The following NTSR1 variants were observed in gnomAD, a reference collection of about 807,000 sequenced individuals.
The protein encoded by NTSR1 is neurotensin receptor 1, also known as neurotensin receptor type 1.
NTSR1 carries 29 observed loss-of-function variants against 31.2 expected under a neutral mutation model. That is an observed-to-expected ratio of 0.93 (90% confidence interval 0.69 to 1.27). The LOEUF is 1.27. Ranked by LOEUF, NTSR1 falls within the 50% of genes most tolerant of loss-of-function variation. NTSR1 has a pLI of 0.00. For missense variants in NTSR1, 697 were observed against 595.4 expected (o/e 1.17, Z -1.78); for synonymous variants, 282 against 269.9 (o/e 1.04, Z -0.44).
intron 1 of NTSR1, among the ~76,000 whole-genome samples, chr20:62,752,289 G>A (rs946236663): frequency 6.6e-6 from 1 of 152,218 alleles, no homozygotes; most frequent in African/African-American, 2.4e-5. Context: ...TGGAGGTGGG[G>A]GGCAGCTCCT....
chr20:62,754,883 CTACG>C lies in NTSR1; in HGVS notation c.916+4_916+7del, dbSNP rs767282996. On this transcript the variant is annotated splice_donor_variant and coding_sequence_variant, in exon 2 of 4. Coordinates refer to ENST00000370501, the MANE Select transcript of NTSR1 (RefSeq NM_002531.3). LOFTEE classifies it high-confidence loss of function. ...GGCCCTGCGGCACGGCGTGCGCGTC[CTACG>C]TACGTAACCTCTGGGCCCTCCAGGG... 1.3e-6 allele frequency: 2 copies of C among 1,595,932 alleles called. No individual in the cohort carries two copies. Among genetic ancestry groups the C allele is most frequent in the Non-Finnish European group, 1.7e-6 (2 of 1,175,860 alleles).
rs754497328 is a variant in NTSR1, at chr20:62,709,928, C to G, written c.714+7C>G. The G allele has an allele frequency of 7.0e-6, 11 of 1,574,970 alleles. No homozygotes were observed. In the South Asian group the frequency reaches 1.3e-4, roughly 18 times the overall value. On this transcript the variant is annotated splice_region_variant and intron_variant, in intron 1 of 3. Transcript: ENST00000370501. ...CGTCAAGGTCGTCATACAGGTGAGC[C>G]TCAGTAACCAGCCCCGGGGCTCCCC...
chr20:62,755,087 T>C (rs1033032990), intron 2 of NTSR1, among the ~76,000 whole-genome samples: 12 of 148,388 alleles, frequency 8.1e-5, no homozygotes, highest in African/African-American at 1.3e-4. Flanking sequence ...CATCTATCCT[T>C]CCCTCCCTCC....
intron 1 of NTSR1, among the ~76,000 whole-genome samples, chr20:62,748,776 A>G (rs1361032395): frequency 6.6e-6 from 1 of 152,168 alleles, no homozygotes; most frequent in Non-Finnish European, 1.5e-5. Context: ...GGATTAATCC[A>G]TTCATAAATA....
At chr20:62,752,259 C>T (rs1027280109) in intron 1 of NTSR1, among the ~76,000 whole-genome samples, 4 of 152,250 alleles carry the variant, frequency 2.6e-5, no homozygotes, top group Non-Finnish European at 5.9e-5. Context: ...TGCCGATGGA[C>T]GTGCTCCCTT....
In NTSR1 at chr20:62,742,741, G is replaced by A. The variant is rs188516879; in HGVS notation, c.715-11944G>A. Reference sequence around the variant, plus strand: ...CTGGATGACCTCACTCCTGGAAAGCGCTGGGCTGTGTCACCTTAAAGACCC... The same window carrying A: ...CTGGATGACCTCACTCCTGGAAAGCACTGGGCTGTGTCACCTTAAAGACCC... On this transcript the variant is annotated intron_variant, in intron 1 of 3. Coordinates refer to ENST00000370501, the MANE Select transcript of NTSR1 (RefSeq NM_002531.3). This position sits in a 1 kb window ranked among gnomAD's most constrained non-coding sequence, Gnocchi z 7.1. Among the ~76,000 whole-genome samples the A allele has an allele frequency of 3.5e-4, 53 of 149,378 alleles. 2 individuals carry two copies. The highest frequency in any genetic ancestry group is 1.2e-3 in the African/African-American group (50 of 40,016).
At chr20:62,750,814 C>T (rs1989381902) in intron 1 of NTSR1, among the ~76,000 whole-genome samples, 1 of 152,026 alleles carries the variant, frequency 6.6e-6, no homozygotes, top group Admixed American at 6.6e-5. Context: ...TTCATTAGCT[C>T]GATGGCGGTG....
intron 1 of NTSR1, among the ~76,000 whole-genome samples, chr20:62,727,542 C>A (rs1036899977): frequency 6.6e-6 from 1 of 152,216 alleles, no homozygotes; most frequent in Non-Finnish European, 1.5e-5. Flanking sequence ...AAGGAGAGTC[C>A]GCTGTGGTAC....
chr20:62,722,845 G>A (rs745642503), intron 1 of NTSR1, among the ~76,000 whole-genome samples: 3 of 152,188 alleles, frequency 2.0e-5, no homozygotes, highest in Non-Finnish European at 2.9e-5. Flanking sequence ...AAAGTCATCC[G>A]TAGATTTTAA....
At chr20:62,751,963 T>A (rs1187003228) in intron 1 of NTSR1, among the ~76,000 whole-genome samples, 1 of 152,196 alleles carries the variant, frequency 6.6e-6, no homozygotes, top group Non-Finnish European at 1.5e-5. Flanking sequence ...TCACTCTCAG[T>A]GACACTCAGG....
At position 62,746,513 on chromosome 20, in the gene NTSR1, A is replaced by G. The variant is rs573007690; in HGVS notation, c.715-8172A>G. Among the ~76,000 whole-genome samples, 21 of 152,296 alleles carry G rather than the reference A, an allele frequency of 1.4e-4. No homozygotes were observed. The South Asian group carries it at 4.3e-3, about 32-fold the overall frequency. On this transcript the variant is annotated intron_variant, in intron 1 of 3. Coordinates refer to ENST00000370501, the MANE Select transcript of NTSR1 (RefSeq NM_002531.3). The stretch of plus-strand genomic sequence containing the variant: ...TGATGTTTGTGGGAGGGAGGAAGGG[A>G]GAAAGGTGGAGGGAAGCTAGACTAA...
rs372116403 is a variant in NTSR1, at chr20:62,758,316, C to T, written c.967C>T (p.Arg323Cys). Residue 323 changes from arginine to cysteine, a missense_variant, in exon 3 of 4, where the codon CGC becomes TGC. Arg to Cys is a radical substitution (Grantham distance 180, BLOSUM62 -3). Coordinates refer to ENST00000370501, the MANE Select transcript of NTSR1 (RefSeq NM_002531.3). This position sits in a 1 kb window ranked among gnomAD's most constrained non-coding sequence, Gnocchi z 4.5. ...VVCWLPYHVR[R>C]LMFCYISDEQ... Reference sequence around the variant, plus strand: ...CTGCTGGCTGCCCTACCACGTGCGGCGCCTCATGTTCTGCTACATCTCGGA... The same window carrying T: ...CTGCTGGCTGCCCTACCACGTGCGGTGCCTCATGTTCTGCTACATCTCGGA... The T allele has an allele frequency of 2.9e-5, 47 of 1,613,614 alleles. No homozygotes were observed. The highest frequency in any genetic ancestry group is 9.9e-5 in the South Asian group (9 of 91,086).
chr20:62,710,871 T>C (rs1318936052), intron 1 of NTSR1, among the ~76,000 whole-genome samples: 2 of 152,134 alleles, frequency 1.3e-5, no homozygotes, highest in Non-Finnish European at 2.9e-5. Flanking sequence ...GTTTCCTCCA[T>C]TTCTGGTGGG....
rs1051120674 is a variant in NTSR1, at chr20:62,744,197, C to T, written c.715-10488C>T. 5.3e-5 allele frequency among the ~76,000 whole-genome samples: 8 copies of T among 152,170 alleles called. No homozygotes were observed. Among genetic ancestry groups the T allele is most frequent in the African/African-American group, 1.7e-4 (7 of 41,440 alleles). On this transcript the variant is annotated intron_variant, in intron 1 of 3. Transcript: ENST00000370501. This position sits in a 1 kb window ranked among gnomAD's most constrained non-coding sequence, Gnocchi z 4.1. ...CCCCCAATTTGCTTCCTTTCCCACA[C>T]CCAAGGGAGCACAGTCAGTGCTCCA...
At chr20:62,717,933 G>A (rs1453072245) in intron 1 of NTSR1, among the ~76,000 whole-genome samples, 1 of 151,824 alleles carries the variant, frequency 6.6e-6, no homozygotes. Context: ...AAAACCACAC[G>A]GGGGGAGCGT....
chr20:62,760,390 C>A lies in NTSR1; in HGVS notation c.*123C>A. ...GGCAGAGGCCAGCCTGCACTGGAGT[C>A]TGAGGCCTGGGACCCCCCCCTCCCA... On this transcript the variant is annotated 3_prime_UTR_variant, in exon 4 of 4. Transcript: ENST00000370501. The A allele has an allele frequency of 8.8e-7, 1 of 1,132,614 alleles. No individual in the cohort carries two copies. The highest frequency in any genetic ancestry group is 1.2e-6 in the Non-Finnish European group (1 of 821,276). 70.2% of individuals were successfully genotyped at this position (1,132,614 alleles called of 1,614,324 possible).
chr20:62,754,612 C>A (rs963561349), intron 1 of NTSR1, 73 bp from the exon 2 acceptor site: 2 of 1,249,976 alleles, frequency 1.6e-6, no homozygotes, highest in East Asian at 2.3e-5. Context: ...CCAATCAGCA[C>A]GGCAGGCATC....
At position 62,709,155 on chromosome 20, in the gene NTSR1, C is replaced by A; in HGVS notation, c.-53C>A. 1 of 1,339,222 alleles carries A rather than the reference C, an allele frequency of 7.5e-7. No individual in the cohort carries two copies. The highest frequency in any genetic ancestry group is 9.6e-7 in the Non-Finnish European group (1 of 1,037,798). The allele number at this position is 1,339,222 out of a possible 1,614,324, so 83.0% of individuals were successfully genotyped here. On this transcript the variant is annotated 5_prime_UTR_variant, in exon 1 of 4. Coordinates refer to ENST00000370501, the MANE Select transcript of NTSR1 (RefSeq NM_002531.3). ...CGCCTGAGACGCGCCCACTCCTGCCCGGACTTCCAGCCCCGGAGGCGCCGG... is the reference window on the plus strand; with the variant it reads ...CGCCTGAGACGCGCCCACTCCTGCCAGGACTTCCAGCCCCGGAGGCGCCGG...
intron 1 of NTSR1, among the ~76,000 whole-genome samples, chr20:62,738,118 C>T (rs1344334954): frequency 3.9e-5 from 3 of 77,520 alleles, no homozygotes; most frequent in Non-Finnish European, 6.5e-5. Context: ...TCAGGTGCAC[C>T]GTCAGGGCTT....
Sources: allele counts gnomAD v4.1 joint callset (sites outside exome capture counted in the v4.1 genomes callset), GRCh38; gene constraint gnomAD v4.1.1; non-coding constraint Gnocchi (gnomAD v3.1); transcripts MANE v1.5; gene names NCBI Gene and HGNC (gene_info 2026-07-23, HGNC 2026-07-21).